Variants in ADCY2 observed in about 807,000 individuals in gnomAD.
The protein encoded by ADCY2 is adenylate cyclase type 2.
Under a neutral mutation model 125.2 loss-of-function variants are expected in ADCY2, and 31 were observed. The ratio of observed to expected loss-of-function variants is 0.25; its 90% CI spans 0.19 to 0.33. The LOEUF is 0.33. ADCY2 is among the 10% of genes least tolerant of loss of function. ADCY2 has a pLI of 1.00. For synonymous variants in ADCY2, 512 were observed against 548.4 expected (o/e 0.93, Z 0.93); for missense variants, 904 against 1,418.2 (o/e 0.64, Z 5.82).
intron 13 of ADCY2, among the ~76,000 whole-genome samples, chr5:7,724,864 G>A (rs1429923252): frequency 1.3e-5 from 2 of 151,904 alleles, no homozygotes; most frequent in Non-Finnish European, 2.9e-5. Flanking sequence ...CAATGTGTGC[G>A]AAATATCCCA....
chr5:7,550,455 C>A (rs1196008470), intron 3 of ADCY2, among the ~76,000 whole-genome samples: 1 of 152,158 alleles, frequency 6.6e-6, no homozygotes, highest in Non-Finnish European at 1.5e-5. Context: ...ATGGCAGTGA[C>A]CCTGAAGTGA....
chr5:7,549,439 G>A (rs866895333), intron 3 of ADCY2, among the ~76,000 whole-genome samples: 1 of 152,206 alleles, frequency 6.6e-6, no homozygotes, highest in African/African-American at 2.4e-5. Flanking sequence ...CTTTATGTCA[G>A]CTGGGCAGGA....
At chr5:7,407,751 G>A (rs1255427465) in intron 1 of ADCY2, among the ~76,000 whole-genome samples, 1 of 152,078 alleles carries the variant, frequency 6.6e-6, no homozygotes, top group African/African-American at 2.4e-5. Context: ...AGGATGTGCA[G>A]AAGCCGGCCT....
chr5:7,414,495 A>G (rs1481786283), intron 1 of ADCY2, 78 bp from the exon 2 acceptor site: 2 of 1,242,314 alleles, frequency 1.6e-6, no homozygotes, highest in Non-Finnish European at 2.2e-6. Context: ...AGCGTTGATG[A>G]CATTTTAACA....
intron 18 of ADCY2, among the ~76,000 whole-genome samples, chr5:7,783,273 T>G (rs1163834611): frequency 6.6e-6 from 1 of 152,212 alleles, no homozygotes; most frequent in African/African-American, 2.4e-5. Flanking sequence ...CAAGTATCAT[T>G]TGGAAAGAGT....
intron 14 of ADCY2, 83 bp from the exon 15 acceptor site, chr5:7,743,585 T>C (rs1424737859): frequency 2.3e-5 from 30 of 1,315,586 alleles, no homozygotes; most frequent in Non-Finnish European, 3.0e-5. Context: ...AAAGTCCTCG[T>C]TAACCCAAAA....
chr5:7,643,326 A>T (rs1034824277), intron 4 of ADCY2, among the ~76,000 whole-genome samples: 5 of 152,104 alleles, frequency 3.3e-5, no homozygotes, highest in African/African-American at 1.2e-4. Flanking sequence ...GTTGGGACGT[A>T]CATTTATCTT....
intron 4 of ADCY2, among the ~76,000 whole-genome samples, chr5:7,664,391 G>A (rs1284203311): frequency 6.6e-6 from 1 of 152,160 alleles, no homozygotes; most frequent in East Asian, 1.9e-4. Flanking sequence ...GAGAGCGATG[G>A]TAAGGGAGGA....
chr5:7,702,340 T>C (rs113492512), intron 7 of ADCY2, among the ~76,000 whole-genome samples: 3 of 151,894 alleles, frequency 2.0e-5, no homozygotes, highest in African/African-American at 7.2e-5. Flanking sequence ...TAACTCGTCA[T>C]TTACATTAGG....
chr5:7,719,066 CT>C (rs1366000489), intron 12 of ADCY2, among the ~76,000 whole-genome samples: 1 of 152,158 alleles, frequency 6.6e-6, no homozygotes, highest in Non-Finnish European at 1.5e-5. Context: ...CGCAGGACAC[CT>C]ATCTTTTTAA....
At chr5:7,494,487 A>G (rs1446671654) in intron 2 of ADCY2, among the ~76,000 whole-genome samples, 1 of 152,108 alleles carries the variant, frequency 6.6e-6, no homozygotes, top group African/African-American at 2.4e-5. Context: ...TGCTTCTTGT[A>G]GTATTTTCCC....
intron 23 of ADCY2, among the ~76,000 whole-genome samples, chr5:7,818,328 T>A (rs934005327): frequency 2.0e-5 from 3 of 152,026 alleles, no homozygotes; most frequent in Admixed American, 2.0e-4. Flanking sequence ...TGTCAGTGTT[T>A]AATCATATTT....
intron 4 of ADCY2, among the ~76,000 whole-genome samples, chr5:7,655,142 G>A (rs935343421): frequency 2.0e-5 from 3 of 152,158 alleles, no homozygotes; most frequent in South Asian, 4.1e-4. Context: ...TGGGACTAAG[G>A]AACCAACAGT....
chr5:7,573,790 A>T (rs1253340101), intron 3 of ADCY2, among the ~76,000 whole-genome samples: 1 of 150,200 alleles, frequency 6.7e-6, no homozygotes, highest in Non-Finnish European at 1.5e-5. Context: ...TTTAAGTTTT[A>T]GGGTACATGT....
chr5:7,573,234 A>G (rs1736119434), intron 3 of ADCY2, among the ~76,000 whole-genome samples: 1 of 152,330 alleles, frequency 6.6e-6, no homozygotes, highest in East Asian at 1.9e-4. Context: ...AATCAATGCA[A>G]TAAGGTTTAA....
chr5:7,785,814 C>T (rs147240075), intron 19 of ADCY2, among the ~76,000 whole-genome samples: 97 of 152,298 alleles, frequency 6.4e-4, no homozygotes, highest in African/African-American at 2.0e-3. Context: ...GATTCCTTCA[C>T]AGCAGCAAAT....
rs763557121 is a variant in ADCY2 at position 7,757,551 on chromosome 5, A to G, written c.2059A>G (p.Thr687Ala). 1.2e-5 allele frequency: 18 copies of G among 1,562,232 alleles called. No individual in the cohort carries two copies. The highest frequency in any genetic ancestry group is 1.6e-5 in the Non-Finnish European group (18 of 1,158,614). Residue 687 changes from threonine to alanine, a missense_variant, in exon 16 of 25, where the codon ACA becomes GCA. Coordinates refer to ENST00000338316, the MANE Select transcript of ADCY2 (RefSeq NM_020546.3). ...ACGGATCTCTCTCACGATCATCACC[A>G]CAGCCATCATATTAATGATGGCCGT... is the stretch of plus-strand genomic sequence containing the variant. Reference protein sequence around the residue: ...WPRISLTIITTAIILMMAVFN... With the variant: ...WPRISLTIITAAIILMMAVFN...
chr5:7,447,297 G>A (rs924231147), intron 2 of ADCY2, among the ~76,000 whole-genome samples: 1 of 152,192 alleles, frequency 6.6e-6, no homozygotes, highest in Non-Finnish European at 1.5e-5. Context: ...TGCACACTGA[G>A]GTCTAACTGC....
At chr5:7,739,504 TAGGA>T in intron 14 of ADCY2, among the ~76,000 whole-genome samples, 1 of 151,802 alleles carries the variant, frequency 6.6e-6, no homozygotes, top group Middle Eastern at 3.4e-3. Flanking sequence ...ATTTCGATCT[TAGGA>T]AGCAGAAAAA....
Sources: allele counts gnomAD v4.1 joint callset (sites outside exome capture counted in the v4.1 genomes callset), GRCh38; gene constraint gnomAD v4.1.1; transcripts MANE v1.5; gene names NCBI Gene and HGNC (gene_info 2026-07-23, HGNC 2026-07-21).